Variants in MAPK14 observed in about 807,000 individuals in gnomAD.
MAPK14 encodes the protein CSAID-binding protein.
In MAPK14, 16 loss-of-function variants were observed where a neutral mutation model predicts 49.6. The ratio of observed to expected loss-of-function variants is 0.32; its 90% CI spans 0.22 to 0.49. The LOEUF (loss-of-function observed/expected upper bound fraction) is 0.49. Ranked by LOEUF, MAPK14 falls within the 20% of genes least tolerant of loss-of-function variation. The pLI is 0.99. For missense variants in MAPK14, 200 were observed against 441.2 expected (o/e 0.45, Z 4.90); for synonymous variants, 142 against 158.0 (o/e 0.90, Z 0.76).
rs577410922 is a variant in MAPK14 at position 36,037,166 on chromosome 6, T to A, written c.116+8893T>A. Among the ~76,000 whole-genome samples the A allele has an allele frequency of 8.5e-3, 1,295 of 152,282 alleles. 10 individuals are homozygous for A. The highest frequency in any genetic ancestry group is 0.024 in the Middle Eastern group (7 of 294). On this transcript the variant is annotated intron_variant, in intron 1 of 11. Coordinates refer to ENST00000229794, the MANE Select transcript of MAPK14 (RefSeq NM_139012.3). The stretch of plus-strand genomic sequence containing the variant: ...TTATATGCACTGGGAAACCAAAAAA[T>A]TTATGTCACTCATTTTTTTGTGATA...
chr6:36,106,992 C>T (rs954610657), intron 10 of MAPK14, among the ~76,000 whole-genome samples: 1 of 152,058 alleles, frequency 6.6e-6, no homozygotes, highest in East Asian at 1.9e-4. Flanking sequence ...ACACTGGTAG[C>T]AGTTTGACAT....
At chr6:36,033,039 A>G (rs1309644646) in intron 1 of MAPK14, among the ~76,000 whole-genome samples, 1 of 150,972 alleles carries the variant, frequency 6.6e-6, no homozygotes, top group African/African-American at 2.4e-5. Flanking sequence ...GTGCATGATT[A>G]TTAAGTATAC....
chr6:36,107,573 C>T lies in MAPK14; in HGVS notation c.960C>T (p.Ala320=), dbSNP rs751955082. 13 of 1,606,430 alleles carry T rather than the reference C, an allele frequency of 8.1e-6. No individual in the cohort carries two copies. Among genetic ancestry groups the T allele is most frequent in the Middle Eastern group, 1.7e-4 (1 of 6,050 alleles). The change falls in exon 11 of 12, where the codon GCC becomes GCT. Residue 320 remains alanine (A), a synonymous_variant. Transcript: ENST00000229794. This position sits in a 1 kb window ranked among gnomAD's most constrained non-coding sequence, Gnocchi z 4.3. ...QYHDPDDEPV[A]DPYDQSFESR... ...ACGATCCTGATGATGAACCAGTGGCCGATCCTTATGATCAGTCCTTTGAAA... is the reference window on the plus strand; with the variant it reads ...ACGATCCTGATGATGAACCAGTGGCTGATCCTTATGATCAGTCCTTTGAAA...
In MAPK14 at chr6:36,066,752, G is replaced by GTGTGTGTA. The variant is rs1554181795; in HGVS notation, c.306-6099_306-6092dup. ...ATTGATGAATTCTGGGTGTGTGTGT[G>GTGTGTGTA]TGTGTGTATGTGTGTATGTGTGTAT... On this transcript the variant is annotated intron_variant, in intron 3 of 11. Transcript: ENST00000229794. Among the ~76,000 whole-genome samples the GTGTGTGTA allele has an allele frequency of 8.0e-4, 121 of 152,150 alleles. 1 individual carries two copies. Among genetic ancestry groups the GTGTGTGTA allele is most frequent in the African/African-American group, 2.6e-3 (110 of 41,514 alleles).
intron 1 of MAPK14, among the ~76,000 whole-genome samples, chr6:36,032,697 TAAACAAGACAG>T (rs1325537069): frequency 6.6e-6 from 1 of 152,242 alleles, no homozygotes; most frequent in African/African-American, 2.4e-5. Context: ...AATAGAGTGC[TAAACAAGACAG>T]AAACAAGACA....
At chr6:36,122,611 G>T in the MAPK14 span, among the ~76,000 whole-genome samples, 1 of 152,296 alleles carries the variant, frequency 6.6e-6, no homozygotes, top group East Asian at 1.9e-4. Context: ...ACAATAAACA[G>T]GTACACAGGG....
At chr6:36,071,705 T>C (rs555435410) in intron 3 of MAPK14, among the ~76,000 whole-genome samples, 1 of 152,352 alleles carries the variant, frequency 6.6e-6, no homozygotes, top group Admixed American at 6.5e-5. Flanking sequence ...GGAAGACTTA[T>C]AATGAGGTGA....
chr6:36,093,019 A>C (rs1037139276), intron 8 of MAPK14, among the ~76,000 whole-genome samples: 4 of 152,210 alleles, frequency 2.6e-5, no homozygotes, highest in Admixed American at 2.0e-4. Context: ...CTATTGAAAA[A>C]AATCCAAGAA....
downstream of MAPK14, among the ~76,000 whole-genome samples, chr6:36,111,624 A>G (rs1357365504): frequency 6.6e-6 from 1 of 152,136 alleles, no homozygotes; most frequent in Non-Finnish European, 1.5e-5. Context: ...TCACGGGATG[A>G]AAGAGCCACG....
At chr6:36,079,522 G>A (rs115889671) in intron 8 of MAPK14, among the ~76,000 whole-genome samples, 11 of 152,030 alleles carry the variant, frequency 7.2e-5, no homozygotes, top group African/African-American at 1.5e-4. Flanking sequence ...AAAAAATCTC[G>A]TAATGTTTTC....
rs1764402945 is a variant in MAPK14, at chr6:36,073,693, T to C, written c.420T>C (p.Tyr140=). ...LIYQILRGLK[Y]IHSADIIHRD... ...TTTGACTTTTTTCTCTTTTGCAGTA[T>C]ATACATTCAGCTGACATAATTCACA... Residue 140 remains tyrosine (Y), a splice_region_variant and synonymous_variant, in exon 5 of 12, where the codon TAT becomes TAC. Transcript: ENST00000229794. The C allele has an allele frequency of 6.2e-7, 1 of 1,612,418 alleles. No individual in the cohort carries two copies. The highest frequency in any genetic ancestry group is 1.7e-5 in the Admixed American group (1 of 59,658).
intron 1 of MAPK14, among the ~76,000 whole-genome samples, chr6:36,051,337 C>G (rs1352714146): frequency 6.6e-6 from 1 of 152,130 alleles, no homozygotes; most frequent in Non-Finnish European, 1.5e-5. Context: ...TCTCGAGCTC[C>G]TGACCTCGTG....
chr6:36,059,355 A>C lies in MAPK14; in HGVS notation c.305+8A>C. 6.2e-7 allele frequency: 1 copy of C among 1,607,838 alleles called. No homozygotes were observed. The highest frequency in any genetic ancestry group is 8.5e-7 in the Non-Finnish European group (1 of 1,174,544). ...GGAGGAATTCAATGATGTGTGAGTA[A>C]ATTTTTTGCATTTGCCTTCCTGGTC... On this transcript the variant is annotated splice_region_variant and intron_variant, in intron 3 of 11. Coordinates refer to ENST00000229794, the MANE Select transcript of MAPK14 (RefSeq NM_139012.3).
chr6:36,096,095 C>T (rs1258986569), intron 9 of MAPK14, 29 bp downstream of exon 9: 2 of 1,508,438 alleles, frequency 1.3e-6, no homozygotes, highest in Admixed American at 1.7e-5. Context: ...ATTATCTGCC[C>T]TGTTGGGAGC....
chr6:36,038,142 G>A (rs1028844358), intron 1 of MAPK14, among the ~76,000 whole-genome samples: 1 of 152,158 alleles, frequency 6.6e-6, no homozygotes, highest in African/African-American at 2.4e-5. Flanking sequence ...TGCTAGGATG[G>A]CTGTTGCACT....
chr6:36,053,062 TAAA>T (rs776387552), intron 2 of MAPK14, among the ~76,000 whole-genome samples: 1 of 151,880 alleles, frequency 6.6e-6, no homozygotes, highest in Non-Finnish European at 1.5e-5. Flanking sequence ...AAGAACTCTT[TAAA>T]ATTTTAAAAT....
At chr6:36,063,239 A>G (rs949659429) in intron 3 of MAPK14, among the ~76,000 whole-genome samples, 3 of 152,164 alleles carry the variant, frequency 2.0e-5, no homozygotes, top group Non-Finnish European at 4.4e-5. Context: ...CTGTAACGTG[A>G]TGCTATGTGT....
downstream of MAPK14, among the ~76,000 whole-genome samples, chr6:36,114,333 G>A (rs1443836111): frequency 6.6e-6 from 1 of 151,608 alleles, no homozygotes; most frequent in East Asian, 1.9e-4. Context: ...AAGTAGTTTG[G>A]TGGCCGGGCA....
At chr6:36,084,867 C>T (rs1170697890) in intron 8 of MAPK14, among the ~76,000 whole-genome samples, 1 of 152,064 alleles carries the variant, frequency 6.6e-6, no homozygotes, top group Admixed American at 6.6e-5. Flanking sequence ...CCCCAAGATA[C>T]ATAATCATCA....
Sources: allele counts gnomAD v4.1 joint callset (sites outside exome capture counted in the v4.1 genomes callset), GRCh38; gene constraint gnomAD v4.1.1; non-coding constraint Gnocchi (gnomAD v3.1); transcripts MANE v1.5; gene names NCBI Gene and HGNC (gene_info 2026-07-23, HGNC 2026-07-21).